SOS2: variants seen among roughly 807,000 people sequenced by gnomAD.
SOS2 encodes the protein son of sevenless homolog 2.
Under a neutral mutation model 148.2 loss-of-function variants are expected in SOS2, and 65 were observed. The observed-to-expected ratio is 0.44, with a 90% confidence interval of 0.36 to 0.54. The LOEUF (loss-of-function observed/expected upper bound fraction) is 0.54, where lower values mean the gene tolerates loss of function less well. SOS2 is among the 20% of genes least tolerant of loss of function. The pLI is 0.00. For synonymous variants in SOS2, 539 were observed against 537.1 expected (o/e 1.00, Z -0.05); for missense variants, 1,341 against 1,590.2 (o/e 0.84, Z 2.67).
At position 50,143,762 on chromosome 14, in the gene SOS2, C is replaced by A. The variant is rs551000015; in HGVS notation, c.2667+1408G>T. ...GCCTCACTAGTTATTTTTTAACATACAATTTAAAAATGCAGTGCGATTTCT... is the reference window on the plus strand; with the variant it reads ...GCCTCACTAGTTATTTTTTAACATAAAATTTAAAAATGCAGTGCGATTTCT... On this transcript the variant is annotated intron_variant, in intron 16 of 22. Transcript: ENST00000216373. Among the ~76,000 whole-genome samples, 16 of 151,804 alleles carry A rather than the reference C, an allele frequency of 1.1e-4. No individual in the cohort carries two copies. In the East Asian group the frequency reaches 2.9e-3, roughly 28 times the overall value.
chr14:50,121,820 T>C (rs1338771968), intron 21 of SOS2, among the ~76,000 whole-genome samples: 1 of 152,212 alleles, frequency 6.6e-6, no homozygotes, highest in Non-Finnish European at 1.5e-5. Flanking sequence ...GTGGGGAGGT[T>C]AGGCAGAGGA....
intron 8 of SOS2, among the ~76,000 whole-genome samples, chr14:50,172,419 CTT>C (rs768766517): frequency 1.2e-5 from 1 of 82,752 alleles, no homozygotes; most frequent in African/African-American, 5.0e-5. Context: ...TTATTCATTC[CTT>C]TTTTTTTTTT....
chr14:50,161,765 C>G (rs1265855381), intron 8 of SOS2, among the ~76,000 whole-genome samples, 156 bp from the exon 9 acceptor site: 1 of 149,606 alleles, frequency 6.7e-6, no homozygotes, highest in African/African-American at 2.5e-5. Flanking sequence ...ACCTACTGCC[C>G]TCTCAAACCA....
intron 1 of SOS2, among the ~76,000 whole-genome samples, chr14:50,225,635 T>C (rs1887347943): frequency 1.3e-5 from 2 of 152,222 alleles, no homozygotes; most frequent in Non-Finnish European, 2.9e-5. Context: ...ATTATTAGTT[T>C]GGAATAATTC....
Position 50,153,131 on chromosome 14 carries a change from A to T in SOS2, c.2100T>A (p.Tyr700Ter). The T allele has an allele frequency of 6.2e-7, 1 of 1,607,960 alleles. No homozygotes were observed. Residue 700 changes from tyrosine to a stop codon, truncating the protein, a stop_gained, in exon 13 of 23, where the codon TAT becomes TAA. Transcript: ENST00000216373. LOFTEE classifies it high-confidence loss of function. ...GCAATTCCAAGTCTCTTTCAAAGTC[A>T]TAAAAATGATGTTCAACCCAATGCC... is the stretch of plus-strand genomic sequence containing the variant. ...VFRHWVEHHF[Y>*]DFERDLELLE...
At position 50,118,935 on chromosome 14, in the gene SOS2, T is replaced by C. The variant is rs1296521043; in HGVS notation, c.3490-82A>G. The C allele has an allele frequency of 6.8e-6, 6 of 878,262 alleles. No individual in the cohort carries two copies. In the African/African-American group the frequency reaches 6.8e-5, roughly 10 times the overall value. The allele number at this position is 878,262 out of a possible 1,614,324, so 54.4% of individuals were successfully genotyped here. On this transcript the variant is annotated intron_variant, in intron 22 of 22. Coordinates refer to ENST00000216373, the MANE Select transcript of SOS2 (RefSeq NM_006939.4). ...TTTTTAAGTCTGAAAAATTCTTACT[T>C]GTCAAGTTAAATTCAGAGGCTCAAA...
At chr14:50,135,571 C>G (rs1236563086) in intron 18 of SOS2, among the ~76,000 whole-genome samples, 2 of 145,376 alleles carry the variant, frequency 1.4e-5, no homozygotes, top group African/African-American at 5.0e-5. Flanking sequence ...ATATATTTTC[C>G]TGAAAAACTG....
intron 18 of SOS2, among the ~76,000 whole-genome samples, chr14:50,135,935 C>G (rs1048566619): frequency 5.9e-5 from 9 of 151,840 alleles, no homozygotes; most frequent in African/African-American, 1.7e-4. Context: ...TCCTTAGCAG[C>G]AAATTACTGG....
chr14:50,199,923 C>A (rs953484475), intron 3 of SOS2, 68 bp from the exon 4 acceptor site: 5 of 987,862 alleles, frequency 5.1e-6, no homozygotes, highest in Non-Finnish European at 7.5e-6. Flanking sequence ...TTAAAAAATT[C>A]CTATTTAACA....
intron 8 of SOS2, among the ~76,000 whole-genome samples, chr14:50,170,706 TA>T (rs933315493): frequency 1.3e-5 from 2 of 150,308 alleles, no homozygotes; most frequent in Admixed American, 6.7e-5. Context: ...GATATACAAA[TA>T]GTTAACAAGT....
rs762907978 is a variant in SOS2 at position 50,134,242 on chromosome 14, G to C, written c.2959-3C>G. On this transcript the variant is annotated splice_polypyrimidine_tract_variant and splice_region_variant and intron_variant, in intron 18 of 22. Transcript: ENST00000216373. ...GGGTTAAGGTTTTCAAAGAATCTCT[G>C]GAATTAAACAAATAACACAAGTGCA... The C allele has an allele frequency of 7.4e-7, 1 of 1,342,636 alleles. No individual in the cohort carries two copies. The highest frequency in any genetic ancestry group is 1.1e-6 in the Non-Finnish European group (1 of 943,734). The allele number at this position is 1,342,636 out of a possible 1,614,324, so 83.2% of individuals were successfully genotyped here. A position where few individuals can be genotyped will look rare whatever the true frequency, so the allele number is the denominator to read the frequency against.
rs778249229 is a variant in SOS2, at chr14:50,227,245, TTC to T, written c.87+3950_87+3951del. Among the ~76,000 whole-genome samples, 678 of 140,230 alleles carry T rather than the reference TTC, an allele frequency of 4.8e-3. 11 individuals are homozygous for T. Among genetic ancestry groups the T allele is most frequent in the African/African-American group, 0.016 (579 of 37,122 alleles). The allele number at this position is 140,230 out of a possible 152,430, so 92.0% of individuals were successfully genotyped here. A position where few individuals can be genotyped will look rare whatever the true frequency, so the allele number is the denominator to read the frequency against. The stretch of plus-strand genomic sequence containing the variant: ...TCTGTGTTTCTTTTTCTTTCTTTCT[TTC>T]TTTTTTTTTTTTTTTGAGACAGAGT... On this transcript the variant is annotated intron_variant, in intron 1 of 22. Coordinates refer to ENST00000216373, the MANE Select transcript of SOS2 (RefSeq NM_006939.4).
intron 1 of SOS2, among the ~76,000 whole-genome samples, chr14:50,220,969 A>G (rs1887186065): frequency 6.6e-6 from 1 of 152,224 alleles, no homozygotes; most frequent in South Asian, 2.1e-4. Context: ...TTTGGAAATC[A>G]GTGTTCTTTG....
chr14:50,175,217 T>A (rs1885484626), intron 7 of SOS2, among the ~76,000 whole-genome samples: 1 of 152,194 alleles, frequency 6.6e-6, no homozygotes, highest in South Asian at 2.1e-4. Context: ...TCTCCTCTTC[T>A]TTATCCCAAA....
intron 1 of SOS2, among the ~76,000 whole-genome samples, chr14:50,208,334 C>G (rs569150032): frequency 6.6e-6 from 1 of 151,844 alleles, no homozygotes; most frequent in South Asian, 2.1e-4. Context: ...GAACTTCTTT[C>G]ATTTGATAAA....
intron 1 of SOS2, among the ~76,000 whole-genome samples, chr14:50,210,048 T>A (rs1886816559): frequency 6.6e-6 from 1 of 152,188 alleles, no homozygotes; most frequent in East Asian, 1.9e-4. Context: ...TGCAAAAAGC[T>A]AAGAAAATCA....
At chr14:50,166,790 T>A (rs1706608134) in intron 8 of SOS2, among the ~76,000 whole-genome samples, 1 of 152,216 alleles carries the variant, frequency 6.6e-6, no homozygotes, top group African/African-American at 2.4e-5. Flanking sequence ...TCTAATTCAC[T>A]GTACTAGGAG....
intron 8 of SOS2, among the ~76,000 whole-genome samples, chr14:50,172,432 T>TTTTTTTTTTTTTTTTA (rs1885395989): frequency 7.0e-6 from 1 of 143,284 alleles, no homozygotes; most frequent in African/African-American, 2.6e-5. Context: ...TTTTTTTTTT[T>TTTTTTTTTTTTTTTTA]TCTGAGATGG....
At chr14:50,229,046 G>C (rs570313757) in intron 1 of SOS2, among the ~76,000 whole-genome samples, 19 of 152,236 alleles carry the variant, frequency 1.2e-4, no homozygotes, top group African/African-American at 4.3e-4. Context: ...CAAAATGGTA[G>C]AAATTCTCAT....
Sources: gnomAD v4.1 joint callset for allele counts (sites outside exome capture counted in the v4.1 genomes callset) on GRCh38, gnomAD v4.1.1 for gene constraint, MANE v1.5 for transcripts, NCBI Gene and HGNC (gene_info 2026-07-23, HGNC 2026-07-21) for gene names.